Variants in SUZ12 observed in about 807,000 individuals in gnomAD.
SUZ12 encodes polycomb protein SUZ12.
A neutral mutation model predicts 87.3 loss-of-function variants in SUZ12; 17 were observed. The ratio of observed to expected loss-of-function variants is 0.19; its 90% confidence interval spans 0.13 to 0.29. SUZ12 has a LOEUF of 0.29. Ranked by LOEUF, SUZ12 falls within the 10% of genes least tolerant of loss-of-function variation. The probability of loss-of-function intolerance (pLI) is 1.00; values close to 1 mark genes in which losing one functional copy is unlikely to be tolerated. For synonymous variants in SUZ12, 253 were observed against 312.4 expected (o/e 0.81, Z 2.01); for missense variants, 526 against 912.2 (o/e 0.58, Z 5.45).
At chr17:31,969,621 TG>T (rs1908298058) in intron 5 of SUZ12, among the ~76,000 whole-genome samples, 1 of 152,186 alleles carries the variant, frequency 6.6e-6, no homozygotes, top group South Asian at 2.1e-4. Context: ...ATTTTAACTT[TG>T]AAACTAGTAG....
chr17:31,970,779 G>A (rs1206153964), intron 5 of SUZ12, among the ~76,000 whole-genome samples: 1 of 151,498 alleles, frequency 6.6e-6, no homozygotes, highest in African/African-American at 2.4e-5. Flanking sequence ...TCTAGCCTGG[G>A]CAACAGAGCA....
At chr17:31,949,406 C>T (rs923319039) in intron 4 of SUZ12, among the ~76,000 whole-genome samples, 23 of 152,044 alleles carry the variant, frequency 1.5e-4, no homozygotes, top group African/African-American at 5.6e-4. Context: ...GCCATTTAAG[C>T]CTCTCAAGAT....
At chr17:31,958,849 A>T (rs1907528399) in intron 4 of SUZ12, among the ~76,000 whole-genome samples, 1 of 151,778 alleles carries the variant, frequency 6.6e-6, no homozygotes, top group Admixed American at 6.6e-5. Flanking sequence ...TGTCTCAAAA[A>T]TAAATAAATA....
At chr17:31,946,313 C>G (rs937581655) in intron 3 of SUZ12, among the ~76,000 whole-genome samples, 8 of 152,136 alleles carry the variant, frequency 5.3e-5, no homozygotes, top group Admixed American at 4.6e-4. Context: ...GTGGATAGAT[C>G]ACCTGAGGTG....
chr17:31,977,752 G>T (rs1210660643), intron 8 of SUZ12, among the ~76,000 whole-genome samples: 1 of 152,056 alleles, frequency 6.6e-6, no homozygotes, highest in African/African-American at 2.4e-5. Context: ...AGCCAGGCAC[G>T]GTGGCGTGTG....
At chr17:31,994,475 A>T in intron 12 of SUZ12, 89 bp from the exon 13 acceptor site, 2 of 1,280,976 alleles carry the variant, frequency 1.6e-6, no homozygotes. Flanking sequence ...TTTTCTAAAT[A>T]TTAAGAGCCC....
chr17:31,954,423 C>G (rs1313398266), intron 4 of SUZ12, among the ~76,000 whole-genome samples: 3 of 152,116 alleles, frequency 2.0e-5, no homozygotes, highest in African/African-American at 4.8e-5. Flanking sequence ...AAACCTCCCC[C>G]TTTTTAAGCA....
chr17:31,974,830 T>TGATC (rs1253639345), intron 6 of SUZ12, among the ~76,000 whole-genome samples: 1 of 152,228 alleles, frequency 6.6e-6, no homozygotes, highest in Non-Finnish European at 1.5e-5. Flanking sequence ...AAAAGTCTTC[T>TGATC]GATCCTTCCA....
chr17:31,945,996 A>C (rs1408711476), intron 3 of SUZ12, among the ~76,000 whole-genome samples: 1 of 152,124 alleles, frequency 6.6e-6, no homozygotes, highest in African/African-American at 2.4e-5. Context: ...GATTGAAAAT[A>C]TATTGCCATC....
chr17:31,988,483 C>G lies in SUZ12; in HGVS notation c.1187C>G (p.Pro396Arg). The change falls in exon 10 of 16, where the codon CCT (proline) becomes CGT (arginine). Residue 396 changes from proline (P) to arginine (R), a missense_variant. Physicochemically the swap from Pro to Arg is moderately radical, Grantham distance 103 (BLOSUM62 -2). Transcript: ENST00000322652. ...HQENKPGSVK[P>R]TQTIAVKESL... is the part of the protein sequence containing the mutation. ...GAAAACAAGCCTGGTTCAGTTAAAC[C>G]TACTCAAACTATTGGTAAGAAAACA... is the stretch of plus-strand genomic sequence containing the variant. 1 of 1,598,388 alleles carries G rather than the reference C, an allele frequency of 6.3e-7. No individual in the cohort carries two copies. The highest frequency in any genetic ancestry group is 8.5e-7 in the Non-Finnish European group (1 of 1,176,032).
At position 31,993,256 on chromosome 17, in the gene SUZ12, T is replaced by C. The variant is rs755620474; in HGVS notation, c.1216T>C (p.Leu406=). The change falls in exon 11 of 16, where the codon TTG becomes CTG. Residue 406 remains leucine (L), a synonymous_variant. Coordinates refer to ENST00000322652, the MANE Select transcript of SUZ12 (RefSeq NM_015355.4). ...TATGTTTTCAGCTGTTAAAGAATCA[T>C]TGACTACAGATCTACAAACAAGAAA... ...PTQTIAVKES[L]TTDLQTRKEK... 1.9e-6 allele frequency: 3 copies of C among 1,574,472 alleles called. No individual in the cohort carries two copies. Among genetic ancestry groups the C allele is most frequent in the East Asian group, 2.3e-5 (1 of 43,888 alleles).
At position 31,999,266 on chromosome 17, in the gene SUZ12, A is replaced by T; in HGVS notation, c.*263A>T. The T allele has an allele frequency of 3.5e-6, 1 of 284,558 alleles. No individual in the cohort carries two copies. The highest frequency in any genetic ancestry group is 5.0e-5 in the Admixed American group (1 of 19,954). The allele number at this position is 284,558 out of a possible 1,614,324, so 17.6% of individuals were successfully genotyped here. A position where few individuals can be genotyped will look rare whatever the true frequency, so the allele number is the denominator to read the frequency against. On this transcript the variant is annotated 3_prime_UTR_variant, in exon 16 of 16. Transcript: ENST00000322652. Reference sequence around the variant, plus strand: ...ATATTTCAAAGTATTTTTAAACTCAACAAATGTCATCAAATATGTTGAATT... The same window carrying T: ...ATATTTCAAAGTATTTTTAAACTCATCAAATGTCATCAAATATGTTGAATT...
intron 8 of SUZ12, among the ~76,000 whole-genome samples, chr17:31,980,574 C>A (rs1909045930): frequency 6.6e-6 from 1 of 151,098 alleles, no homozygotes; most frequent in African/African-American, 2.4e-5. Context: ...CTCAGCCTCC[C>A]GAGTAGCTGG....
At chr17:31,975,345 A>G (rs1424859441) in intron 6 of SUZ12, 137 bp from the exon 7 acceptor site, 9 of 588,854 alleles carry the variant, frequency 1.5e-5, no homozygotes, top group Non-Finnish European at 5.7e-6. Flanking sequence ...TTGCAGAACT[A>G]TGGTTAGAAT....
Position 31,993,349 on chromosome 17 carries a change from CCTT to C in SUZ12, c.1293+20_1293+22del, listed in dbSNP as rs1359861031. 2 of 1,440,284 alleles carry C rather than the reference CCTT, an allele frequency of 1.4e-6. No individual in the cohort carries two copies. Among genetic ancestry groups the C allele is most frequent in the South Asian group, 1.3e-5 (1 of 79,890 alleles). The allele number at this position is 1,440,284 out of a possible 1,614,324, so 89.2% of individuals were successfully genotyped here. A position where few individuals can be genotyped will look rare whatever the true frequency, so the allele number is the denominator to read the frequency against. ...ATTTTATCAGGTAAACATAGCTGAC[CCTT>C]CTTAAAGTAATTATGAAATGTATTT... is the stretch of plus-strand genomic sequence containing the variant. On this transcript the variant is annotated intron_variant, in intron 11 of 15. Coordinates refer to ENST00000322652, the MANE Select transcript of SUZ12 (RefSeq NM_015355.4).
chr17:31,951,506 G>A (rs1370794215), intron 4 of SUZ12, among the ~76,000 whole-genome samples: 9 of 146,766 alleles, frequency 6.1e-5, no homozygotes, highest in Admixed American at 6.8e-5. Flanking sequence ...TTTTTGAGAC[G>A]GAGTCTCGCT....
intron 14 of SUZ12, among the ~76,000 whole-genome samples, chr17:31,996,431 A>T (rs987540902): frequency 6.6e-6 from 1 of 152,152 alleles, no homozygotes; most frequent in African/African-American, 2.4e-5. Context: ...CCTGGCCAAC[A>T]TGGCAAAACC....
At position 31,937,414 on chromosome 17, in the gene SUZ12, C is replaced by T; in HGVS notation, c.168C>T (p.Ser56=). ...CGGGGSYSAS[S]SSSAAAAAGA... ...GGGGTGGCAGTTACTCGGCCTCCTC[C>T]TCCTCCTCCGCGGCGGCAGCGGCGG... The change falls in exon 1 of 16, where the codon TCC becomes TCT. Residue 56 remains serine (S), a synonymous_variant. Coordinates refer to ENST00000322652, the MANE Select transcript of SUZ12 (RefSeq NM_015355.4). 1.3e-6 allele frequency: 2 copies of T among 1,543,088 alleles called. No individual in the cohort carries two copies. Among genetic ancestry groups the T allele is most frequent in the Non-Finnish European group, 1.7e-6 (2 of 1,145,032 alleles).
At chr17:31,995,827 T>C (rs1164072600) in intron 14 of SUZ12, 65 bp downstream of exon 14, 25 of 1,184,872 alleles carry the variant, frequency 2.1e-5, no homozygotes, top group Non-Finnish European at 2.9e-5. Context: ...AATTGCTTAC[T>C]ATGAACTAGA....
Sources: allele counts gnomAD v4.1 joint callset (sites outside exome capture counted in the v4.1 genomes callset), GRCh38; gene constraint gnomAD v4.1.1; transcripts MANE v1.5; gene names NCBI Gene and HGNC (gene_info 2026-07-23, HGNC 2026-07-21).